AP3S2: variants seen among roughly 807,000 people sequenced by gnomAD.
The protein encoded by AP3S2 is adaptor related protein complex 3 subunit sigma 2.
A neutral mutation model predicts 23.4 loss-of-function variants in AP3S2; 22 were observed. The ratio of observed to expected loss-of-function variants is 0.94; its 90% CI spans 0.67 to 1.34. The LOEUF (loss-of-function observed/expected upper bound fraction) is 1.34. AP3S2 is among the 40% of genes most tolerant of loss of function. The probability of loss-of-function intolerance (pLI) is 0.00; values close to 1 mark genes in which losing one functional copy is unlikely to be tolerated. For synonymous variants in AP3S2, 86 were observed against 87.1 expected (o/e 0.99, Z 0.07); for missense variants, 241 against 236.9 (o/e 1.02, Z -0.11).
At position 89,833,983 on chromosome 15, in the gene AP3S2, A is replaced by G. The variant is rs1279598037; in HGVS notation, c.*1532T>C. 3 of 152,286 alleles carry G rather than the reference A, an allele frequency of 2.0e-5. No individual in the cohort carries two copies. The highest frequency in any genetic ancestry group is 4.4e-5 in the Non-Finnish European group (3 of 68,064). The allele number at this position is 152,286 out of a possible 1,614,324, so 9.4% of individuals were successfully genotyped here. Reference sequence around the variant, plus strand: ...GAAACTTTACTGCGAAGCAGCCCTCATCTTAAGGTGGCTCAACACCACACC... The same window carrying G: ...GAAACTTTACTGCGAAGCAGCCCTCGTCTTAAGGTGGCTCAACACCACACC... On this transcript the variant is annotated 3_prime_UTR_variant, in exon 6 of 6. Coordinates refer to ENST00000336418, the MANE Select transcript of AP3S2 (RefSeq NM_005829.5).
At chr15:89,887,922 T>G (rs572585161) in intron 3 of AP3S2, among the ~76,000 whole-genome samples, 1 of 152,224 alleles carries the variant, frequency 6.6e-6, no homozygotes. Flanking sequence ...CCGCCCGCCT[T>G]GGCCTCCCAA....
intron 4 of AP3S2, among the ~76,000 whole-genome samples, chr15:89,846,525 AT>A (rs1216668764): frequency 1.3e-5 from 2 of 150,604 alleles, no homozygotes; most frequent in South Asian, 4.2e-4. Flanking sequence ...CACCCGGCTA[AT>A]TTTTTTTCTT....
intron 4 of AP3S2, among the ~76,000 whole-genome samples, chr15:89,866,986 CCCTCT>C (rs1896141217): frequency 8.9e-6 from 1 of 112,992 alleles, no homozygotes; most frequent in Non-Finnish European, 1.9e-5. Flanking sequence ...TTTCCCCTCT[CCCTCT>C]CCCTCTCCCT....
At chr15:89,859,387 T>TC in intron 4 of AP3S2, among the ~76,000 whole-genome samples, 1 of 73,574 alleles carries the variant, frequency 1.4e-5, no homozygotes, top group South Asian at 4.2e-4. Flanking sequence ...CCTTCCTTCC[T>TC]TTTCTTTCTT....
rs920694213 is a variant in AP3S2 at position 89,854,022 on chromosome 15, G to T, written c.346-16300C>A. ...CACCCCGTCCGGGAGGGACGTGGGG[G>T]GGGGGTCAGCCCCCCGCCCGGCCAG... On this transcript the variant is annotated intron_variant, in intron 4 of 5. Transcript: ENST00000336418. Among the ~76,000 whole-genome samples, 2 of 55,052 alleles carry T rather than the reference G, an allele frequency of 3.6e-5. 1 individual carries two copies. Among genetic ancestry groups the T allele is most frequent in the Non-Finnish European group, 7.7e-5 (2 of 26,008 alleles). 36.1% of individuals were successfully genotyped at this position (55,052 alleles called of 152,430 possible).
chr15:89,868,722 G>A (rs77360136), intron 4 of AP3S2, among the ~76,000 whole-genome samples: 4 of 117,270 alleles, frequency 3.4e-5, no homozygotes, highest in Non-Finnish European at 5.4e-5. Context: ...CCGGCCAGCC[G>A]CCCCGTCTGG....
intron 4 of AP3S2, among the ~76,000 whole-genome samples, chr15:89,847,021 G>A (rs1161082474): frequency 6.6e-6 from 1 of 151,978 alleles, no homozygotes; most frequent in Middle Eastern, 3.2e-3. Context: ...TCCCTTGAAG[G>A]TACTTGCTTC....
chr15:89,848,828 C>T (rs1895562473), intron 4 of AP3S2: 1 of 152,156 alleles, frequency 6.6e-6, no homozygotes. Context: ...AGAAAATCAT[C>T]TGAGAGTCAT....
intron 3 of AP3S2, among the ~76,000 whole-genome samples, chr15:89,886,939 C>T (rs1305753730): frequency 6.6e-6 from 1 of 152,150 alleles, no homozygotes; most frequent in Non-Finnish European, 1.5e-5. Flanking sequence ...GGAGTACAGG[C>T]ATATGCCACC....
chr15:89,860,271 G>T (rs571686556), intron 4 of AP3S2, among the ~76,000 whole-genome samples: 1 of 152,068 alleles, frequency 6.6e-6, no homozygotes, highest in African/African-American at 2.4e-5. Context: ...TGTAAATTAG[G>T]CACAGTAAGA....
At position 89,856,573 on chromosome 15, in the gene AP3S2, G is replaced by A. The variant is rs149247418; in HGVS notation, c.345+14902C>T. 5.8e-3 allele frequency among the ~76,000 whole-genome samples: 881 copies of A among 152,018 alleles called. 10 individuals are homozygous for A. The highest frequency in any genetic ancestry group is 0.02 in the African/African-American group (845 of 41,424). ...AAAAATTAGCCAGGCATGGTGGTGC[G>A]CACCTGTAATCCCAGCTACTCGGAA... On this transcript the variant is annotated intron_variant, in intron 4 of 5. Coordinates refer to ENST00000336418, the MANE Select transcript of AP3S2 (RefSeq NM_005829.5).
At chr15:89,838,504 AC>A (rs1895247978) in intron 4 of AP3S2, among the ~76,000 whole-genome samples, 1 of 152,156 alleles carries the variant, frequency 6.6e-6, no homozygotes, top group Non-Finnish European at 1.5e-5. Flanking sequence ...CAACTACTGT[AC>A]CCCTTTGTGG....
intron 4 of AP3S2, among the ~76,000 whole-genome samples, chr15:89,853,631 T>C (rs950859411): frequency 5.7e-5 from 8 of 141,578 alleles, no homozygotes; most frequent in Non-Finnish European, 1.1e-4. Context: ...GAGGAGCGTC[T>C]CCGCCCGGCC....
chr15:89,849,867 C>T (rs922326940), intron 4 of AP3S2, among the ~76,000 whole-genome samples: 2 of 151,764 alleles, frequency 1.3e-5, no homozygotes, highest in African/African-American at 4.8e-5. Flanking sequence ...GTGATGGTCC[C>T]CTCCCTGTGC....
At chr15:89,869,084 T>G (rs1896247920) in intron 4 of AP3S2, among the ~76,000 whole-genome samples, 1 of 152,072 alleles carries the variant, frequency 6.6e-6, no homozygotes, top group Admixed American at 6.5e-5. Flanking sequence ...CAACAGCTCA[T>G]TGAGAACGGG....
intron 3 of AP3S2, among the ~76,000 whole-genome samples, chr15:89,885,060 C>T (rs1045193585): frequency 2.6e-5 from 4 of 152,136 alleles, no homozygotes; most frequent in African/African-American, 9.7e-5. Flanking sequence ...ATGTAACATC[C>T]AGGTTTTAAT....
At chr15:89,849,075 C>T (rs1268896655) in intron 4 of AP3S2, 1 of 152,170 alleles carries the variant, frequency 6.6e-6, no homozygotes, top group Non-Finnish European at 1.5e-5. Context: ...GGTAATTAGA[C>T]TCAATGACTG....
chr15:89,867,674 G>T (rs1367457705), intron 4 of AP3S2, among the ~76,000 whole-genome samples: 1 of 138,440 alleles, frequency 7.2e-6, no homozygotes. Flanking sequence ...GCCCCATCTG[G>T]GTTGTGAGGA....
intron 5 of AP3S2, 30 bp from the exon 6 acceptor site, chr15:89,835,673 C>T: frequency 1.3e-6 from 1 of 781,158 alleles, no homozygotes; most frequent in Non-Finnish European, 1.9e-6. Flanking sequence ...GAGTATGAGA[C>T]AAATTCTCAC....
Sources: allele counts gnomAD v4.1 joint callset (sites outside exome capture counted in the v4.1 genomes callset), GRCh38; gene constraint gnomAD v4.1.1; transcripts MANE v1.5; gene names NCBI Gene and HGNC (gene_info 2026-07-23, HGNC 2026-07-21).